The following LMF1 variants were observed in gnomAD, a reference collection of about 807,000 sequenced individuals.
The protein encoded by LMF1 is lipase maturation factor 1.
LMF1 carries 68 observed loss-of-function variants against 60.6 expected under a neutral mutation model. The observed-to-expected ratio is 1.12, with a 90% CI of 0.92 to 1.37. The LOEUF (loss-of-function observed/expected upper bound fraction) is 1.37, where lower values mean the gene tolerates loss of function less well. Ranked by LOEUF, LMF1 falls within the 40% of genes most tolerant of loss-of-function variation. The pLI is 0.00. For missense variants in LMF1, 948 were observed against 767.2 expected (o/e 1.24, Z -2.78); for synonymous variants, 418 against 324.7 (o/e 1.29, Z -3.09).
intron 1 of LMF1, among the ~76,000 whole-genome samples, chr16:958,909 C>CAGA (rs2072765910): frequency 1.3e-5 from 2 of 150,500 alleles, no homozygotes; most frequent in African/African-American, 4.9e-5. Flanking sequence ...AAAAACAAAA[C>CAGA]AAAAAAAACA....
In LMF1 at chr16:854,693, C is replaced by T. The variant is rs768606512; in HGVS notation, c.1543G>A (p.Glu515Lys). ...GRPPPRWVRGEHYRYKFSRPG... is the reference protein window; with the variant it reads ...GRPPPRWVRGKHYRYKFSRPG... ...CGGCTGAACTTGTACCTGTAGTGCTCTCCTCGGACCCACCTGCAAGGGGGC... is the reference window on the plus strand; with the variant it reads ...CGGCTGAACTTGTACCTGTAGTGCTTTCCTCGGACCCACCTGCAAGGGGGC... The change falls in exon 11 of 11, where the codon GAG becomes AAG. Residue 515 changes from glutamate to lysine, a missense_variant. By Grantham distance (56) the Glu-to-Lys change is moderately conservative. Coordinates refer to ENST00000262301, the MANE Select transcript of LMF1 (RefSeq NM_022773.4). 4.4e-6 allele frequency: 7 copies of T among 1,593,344 alleles called. No individual in the cohort carries two copies. The South Asian group carries it at 7.9e-5, about 18-fold the overall frequency.
chr16:857,462 T>A (rs370263634), intron 10 of LMF1, among the ~76,000 whole-genome samples: 1,832 of 110,638 alleles, frequency 0.017, 51 homozygotes, highest in African/African-American at 0.03. Context: ...GAGTGGTGTC[T>A]CGGGACGGGT....
At chr16:949,490 A>C (rs432620) in intron 2 of LMF1, among the ~76,000 whole-genome samples, 9 of 148,980 alleles carry the variant, frequency 6.0e-5, no homozygotes, top group East Asian at 2.0e-4. Flanking sequence ...AGAGTCAGAG[A>C]CAACGACAGA....
At chr16:926,091 C>A (rs2071588938) in intron 3 of LMF1, among the ~76,000 whole-genome samples, 1 of 149,986 alleles carries the variant, frequency 6.7e-6, no homozygotes, top group Non-Finnish European at 1.5e-5. Context: ...GTCTGTATGC[C>A]CATGTGTGCA....
intron 2 of LMF1, among the ~76,000 whole-genome samples, chr16:948,868 GTC>G (rs2072339441): frequency 9.7e-6 from 1 of 103,146 alleles, no homozygotes. Flanking sequence ...CAACGACAGA[GTC>G]AGAGCCAATG....
In LMF1 at chr16:979,733, G is replaced by A. The variant is rs752711892; in HGVS notation, c.-135+1412C>T. 2.2e-4 allele frequency: 100 copies of A among 454,026 alleles called. 1 individual carries two copies. Among genetic ancestry groups the A allele is most frequent in the Non-Finnish European group, 5.3e-5 (12 of 226,780 alleles). The allele number at this position is 454,026 out of a possible 1,614,324, so 28.1% of individuals were successfully genotyped here. A position where few individuals can be genotyped will look rare whatever the true frequency, so the allele number is the denominator to read the frequency against. Reference sequence around the variant, plus strand: ...CTCCACGGAGGTCCTCACCCGGATGGCACTGTGAGCCCGAGTGGGCGATGT... The same window carrying A: ...CTCCACGGAGGTCCTCACCCGGATGACACTGTGAGCCCGAGTGGGCGATGT... On this transcript the variant is annotated intron_variant, in intron 1 of 6. Transcript: ENST00000570014.
chr16:868,663 G>A (rs1265678447), intron 10 of LMF1, among the ~76,000 whole-genome samples: 2 of 151,700 alleles, frequency 1.3e-5, no homozygotes, highest in Admixed American at 1.3e-4. Context: ...TGTGAGCCGG[G>A]GTCACCCTGC....
intron 2 of LMF1, among the ~76,000 whole-genome samples, chr16:943,640 T>C (rs1350161860): frequency 6.7e-6 from 1 of 149,002 alleles, no homozygotes; most frequent in Admixed American, 6.8e-5. Flanking sequence ...AGCAGGAAAA[T>C]TGTTTGAACC....
upstream of LMF1, chr16:981,353 T>A (rs779563144): frequency 0.02 from 2,562 of 126,454 alleles, 5 homozygotes; most frequent in East Asian, 0.026. Context: ...AGAGAGTGTG[T>A]GTGTGTGTGT....
chr16:957,921 T>A (rs1297958107), intron 1 of LMF1, among the ~76,000 whole-genome samples: 1 of 152,044 alleles, frequency 6.6e-6, no homozygotes, highest in African/African-American at 2.4e-5. Flanking sequence ...GGCAGGAGGA[T>A]CGCTTGAGCC....
At chr16:889,096 G>T (rs540161760) in intron 5 of LMF1, among the ~76,000 whole-genome samples, 1 of 152,210 alleles carries the variant, frequency 6.6e-6, no homozygotes, top group African/African-American at 2.4e-5. Flanking sequence ...GGTAGAGGTC[G>T]TCAGAACTGA....
chr16:855,509 C>G (rs922282703), intron 10 of LMF1: 1 of 358,306 alleles, frequency 2.8e-6, no homozygotes, highest in Non-Finnish European at 5.5e-6. Context: ...TGGGACGAAG[C>G]CCCCTCATGT....
chr16:942,359 G>T (rs568521691), intron 2 of LMF1, among the ~76,000 whole-genome samples: 1 of 152,342 alleles, frequency 6.6e-6, no homozygotes, highest in African/African-American at 2.4e-5. Context: ...ACTACAATGT[G>T]CCCAGATAAC....
At chr16:870,927 C>T (rs745574817) in intron 7 of LMF1, 45 bp from the exon 8 acceptor site, 72 of 1,553,508 alleles carry the variant, frequency 4.6e-5, no homozygotes, top group Non-Finnish European at 5.5e-5. Flanking sequence ...CCAGCTGCCC[C>T]GTGGCCTGTC....
intron 1 of LMF1, among the ~76,000 whole-genome samples, chr16:956,704 C>T (rs568187913): frequency 1.3e-5 from 2 of 150,848 alleles, no homozygotes; most frequent in Admixed American, 6.6e-5. Context: ...ATTAGCTGGG[C>T]GTTGTGGCAG....
chr16:900,729 G>GTT (rs1555455426), intron 4 of LMF1: 1,724 of 79,350 alleles, frequency 0.022, 64 homozygotes, highest in African/African-American at 0.063. Context: ...GTGTGTGTGT[G>GTT]TGTTTTAGTA....
At chr16:939,495 G>A (rs1038378072) in intron 2 of LMF1, among the ~76,000 whole-genome samples, 8 of 152,264 alleles carry the variant, frequency 5.3e-5, no homozygotes, top group Admixed American at 4.6e-4. Flanking sequence ...ACCACCCTGT[G>A]GCCACCACAC....
chr16:909,858 G>A (rs934427303), intron 4 of LMF1, among the ~76,000 whole-genome samples: 2 of 152,256 alleles, frequency 1.3e-5, no homozygotes, highest in Non-Finnish European at 2.9e-5. Context: ...CTGAAGGAGT[G>A]GCCGAGACGG....
At chr16:971,001 CGGAGGCCCCGCCCATTCT>C (rs1596178520), upstream of LMF1, 1 of 638,720 alleles carries the variant, frequency 1.6e-6, no homozygotes, top group South Asian at 4.4e-5. Context: ...GGCGCACTCC[CGGAGGCCCCGCCCATTCT>C]CGGAGGCCCC....
Sources: allele counts gnomAD v4.1 joint callset (sites outside exome capture counted in the v4.1 genomes callset), GRCh38; gene constraint gnomAD v4.1.1; transcripts MANE v1.5; gene names NCBI Gene and HGNC (gene_info 2026-07-23, HGNC 2026-07-21).